ATP5MK: variants seen among roughly 807,000 people sequenced by gnomAD.
ATP5MK encodes ATP synthase membrane subunit k.
A neutral mutation model predicts 6.6 loss-of-function variants in ATP5MK; 5 were observed. The ratio of observed to expected loss-of-function variants is 0.76; its 90% CI spans 0.40 to 1.60. The LOEUF (loss-of-function observed/expected upper bound fraction) is 1.60, where lower values mean the gene tolerates loss of function less well. Ranked by LOEUF, ATP5MK falls within the 40% of genes most tolerant of loss-of-function variation. The pLI is 0.02. For missense variants in ATP5MK, 57 were observed against 66.6 expected (o/e 0.86, Z 0.50); for synonymous variants, 30 against 24.5 (o/e 1.22, Z -0.66).
chr10:103,390,727 T>C (rs998740379), intron 4 of ATP5MK, among the ~76,000 whole-genome samples: 6 of 151,724 alleles, frequency 4.0e-5, no homozygotes, highest in African/African-American at 1.5e-4. Flanking sequence ...GAGGCAGAGG[T>C]TGCAGTGAGC....
chr10:103,392,505 G>C (rs950218172), intron 2 of ATP5MK, 39 bp from the exon 3 acceptor site: 3 of 1,463,208 alleles, frequency 2.1e-6, no homozygotes, highest in Non-Finnish European at 2.8e-6. Flanking sequence ...AAATTGGTTT[G>C]GATGTAATTT....
chr10:103,392,546 C>CT (rs780043286), intron 2 of ATP5MK, 80 bp from the exon 3 acceptor site: 74 of 1,106,870 alleles, frequency 6.7e-5, no homozygotes, highest in Non-Finnish European at 9.1e-5. Context: ...TTGTTTTAGT[C>CT]TAAAAACTCA....
At chr10:103,394,734 A>G (rs2093425157) in intron 2 of ATP5MK, among the ~76,000 whole-genome samples, 1 of 147,980 alleles carries the variant, frequency 6.8e-6, no homozygotes, top group Admixed American at 6.7e-5. Flanking sequence ...TACTAAAGAC[A>G]TACTTCCCCC....
chr10:103,391,942 G>T (rs2093415768), intron 4 of ATP5MK, among the ~76,000 whole-genome samples: 1 of 152,016 alleles, frequency 6.6e-6, no homozygotes, highest in African/African-American at 2.4e-5. Flanking sequence ...TTGTTTTTTG[G>T]TAGAGATGGG....
chr10:103,393,579 C>CA lies in ATP5MK; in HGVS notation c.-9-1114dup, dbSNP rs959240621. On this transcript the variant is annotated intron_variant, in intron 2 of 4. Coordinates refer to ENST00000369815, the MANE Select transcript of ATP5MK (RefSeq NM_001206427.2). ...TGGGCGACAGAGCGAGACGCCGTCT[C>CA]AAAAAAAAAAAAAATAAATAAATAA... Among the ~76,000 whole-genome samples, 559 of 111,900 alleles carry CA rather than the reference C, an allele frequency of 5.0e-3. 3 individuals are homozygous for CA. The highest frequency in any genetic ancestry group is 0.029 in the South Asian group (107 of 3,672). The allele number at this position is 111,900 out of a possible 152,430, so 73.4% of individuals were successfully genotyped here. A position where few individuals can be genotyped will look rare whatever the true frequency, so the allele number is the denominator to read the frequency against.
chr10:103,395,767 G>T lies in ATP5MK; in HGVS notation c.-31C>A, dbSNP rs2093431469. The T allele has an allele frequency of 6.6e-6, 1 of 152,224 alleles. No homozygotes were observed. The highest frequency in any genetic ancestry group is 2.4e-5 in the African/African-American group (1 of 41,444). 9.4% of individuals were successfully genotyped at this position (152,224 alleles called of 1,614,324 possible). On this transcript the variant is annotated 5_prime_UTR_variant, in exon 2 of 5. Coordinates refer to ENST00000369815, the MANE Select transcript of ATP5MK (RefSeq NM_001206427.2). ...CTACCTGGAATGGTGAGATCACGAG[G>T]TAAGGAAGGCAAAGATGAGTGAGAA...
Position 103,395,424 on chromosome 10 carries a change from A to C in ATP5MK, c.-10+322T>G, listed in dbSNP as rs993828435. 2.6e-4 allele frequency among the ~76,000 whole-genome samples: 40 copies of C among 152,186 alleles called. 1 individual carries two copies. Among genetic ancestry groups the C allele is most frequent in the Admixed American group, 2.0e-3 (30 of 15,294 alleles). On this transcript the variant is annotated intron_variant, in intron 2 of 4. Coordinates refer to ENST00000369815, the MANE Select transcript of ATP5MK (RefSeq NM_001206427.2). ...GCGGTTCTCCTGCCTCAGCCTCCCG[A>C]GTAGCTGGAACTACAGGCGCGCGCC...
At chr10:103,392,855 C>G (rs560273286) in intron 2 of ATP5MK, among the ~76,000 whole-genome samples, 1 of 152,118 alleles carries the variant, frequency 6.6e-6, no homozygotes, top group African/African-American at 2.4e-5. Context: ...AAACATTCAA[C>G]GGGTGACCAT....
chr10:103,393,546 C>T (rs987870789), intron 2 of ATP5MK, among the ~76,000 whole-genome samples: 6 of 150,588 alleles, frequency 4.0e-5, no homozygotes, highest in African/African-American at 7.3e-5. Flanking sequence ...CGCCACTGCA[C>T]TCCAGCCTGG....
chr10:103,396,405 C>T lies in ATP5MK; in HGVS notation c.-297+4G>A, dbSNP rs2133657488. On this transcript the variant is annotated splice_donor_region_variant and intron_variant, in intron 1 of 4. Coordinates refer to ENST00000369815, the MANE Select transcript of ATP5MK (RefSeq NM_001206427.2). ...TCCAAGCCCGGACTCCCCTCTTCAC[C>T]CACCTGCCAAAGCCGCAAATTCCGC... 6.6e-6 allele frequency: 1 copy of T among 152,498 alleles called. No homozygotes were observed. Among genetic ancestry groups the T allele is most frequent in the South Asian group, 2.1e-4 (1 of 4,832 alleles). The allele number at this position is 152,498 out of a possible 1,614,324, so 9.4% of individuals were successfully genotyped here.
intron 2 of ATP5MK, chr10:103,394,321 G>A (rs781103034): frequency 1.9e-6 from 1 of 534,262 alleles, no homozygotes; most frequent in Non-Finnish European, 3.9e-6. Context: ...GCCACGCCGA[G>A]TCGATTGGCA....
chr10:103,394,753 G>A (rs1252084106), intron 2 of ATP5MK, among the ~76,000 whole-genome samples: 3 of 42,600 alleles, frequency 7.0e-5, no homozygotes, highest in Admixed American at 3.0e-4. Flanking sequence ...CCCGCCCCCC[G>A]CCCCCCCACC....
chr10:103,394,137 A>G (rs2093422793), intron 2 of ATP5MK: 3 of 316,060 alleles, frequency 9.5e-6, no homozygotes, highest in Middle Eastern at 4.7e-4. Context: ...ATAGAAAAAT[A>G]GTAAGTGTAT....
chr10:103,389,754 C>G (rs532152899), intron 4 of ATP5MK, among the ~76,000 whole-genome samples: 4 of 151,850 alleles, frequency 2.6e-5, no homozygotes, highest in Non-Finnish European at 4.4e-5. Flanking sequence ...TGTTCGGAGA[C>G]ACAGTCTCGC....
intron 4 of ATP5MK, among the ~76,000 whole-genome samples, chr10:103,390,528 C>A (rs1030493249): frequency 3.0e-4 from 45 of 152,032 alleles, no homozygotes; most frequent in Admixed American, 1.6e-3. Flanking sequence ...GTGGCTCACA[C>A]CTGTAATCCC....
intron 2 of ATP5MK, among the ~76,000 whole-genome samples, 178 bp downstream of exon 2, chr10:103,395,568 G>T (rs2093430349): frequency 6.6e-6 from 1 of 152,008 alleles, no homozygotes; most frequent in African/African-American, 2.4e-5. Context: ...AAAGTGCTGG[G>T]ATTACAGGCG....
intron 2 of ATP5MK, chr10:103,394,165 G>A: frequency 2.7e-6 from 1 of 367,276 alleles, no homozygotes; most frequent in Non-Finnish European, 5.9e-6. Context: ...AACTCTGGAA[G>A]AATATATAGC....
At chr10:103,395,004 G>A (rs2093426836) in intron 2 of ATP5MK, among the ~76,000 whole-genome samples, 1 of 152,092 alleles carries the variant, frequency 6.6e-6, no homozygotes, top group Admixed American at 6.6e-5. Context: ...TCCCACAGAA[G>A]ACTAATTCTG....
intron 2 of ATP5MK, among the ~76,000 whole-genome samples, chr10:103,394,727 TAAAG>T (rs2093425122): frequency 6.6e-6 from 1 of 151,496 alleles, no homozygotes; most frequent in Non-Finnish European, 1.5e-5. Flanking sequence ...CTAAACTTAC[TAAAG>T]ACATACTTCC....
Sources: gnomAD v4.1 joint callset for allele counts (sites outside exome capture counted in the v4.1 genomes callset) on GRCh38, gnomAD v4.1.1 for gene constraint, MANE v1.5 for transcripts, NCBI Gene and HGNC (gene_info 2026-07-23, HGNC 2026-07-21) for gene names.